Variants in ZMAT3 observed in about 807,000 individuals in gnomAD.
ZMAT3 encodes the protein zinc finger matrin-type protein 3.
Under a neutral mutation model 32.3 loss-of-function variants are expected in ZMAT3, and 17 were observed. The observed-to-expected ratio is 0.53, with a 90% CI of 0.36 to 0.79. ZMAT3 has a LOEUF of 0.79. Ranked by LOEUF, ZMAT3 falls within the 30% of genes least tolerant of loss-of-function variation. The pLI, the probability that ZMAT3 is intolerant of heterozygous loss-of-function variation, is 0.00. For synonymous variants in ZMAT3, 120 were observed against 133.1 expected (o/e 0.90, Z 0.68); for missense variants, 329 against 359.7 (o/e 0.91, Z 0.69).
At chr3:179,039,063 C>G (rs917382327) in intron 2 of ZMAT3, among the ~76,000 whole-genome samples, 4 of 152,214 alleles carry the variant, frequency 2.6e-5, no homozygotes, top group African/African-American at 7.2e-5. Flanking sequence ...CTGGGAAGCT[C>G]GAACTGGGCA....
Position 179,023,582 on chromosome 3 carries a change from A to C in ZMAT3, c.*1435T>G, listed in dbSNP as rs1718661893. 6.7e-6 allele frequency: 1 copy of C among 148,536 alleles called. No individual in the cohort carries two copies. The highest frequency in any genetic ancestry group is 2.1e-4 in the South Asian group (1 of 4,674). The allele number at this position is 148,536 out of a possible 1,614,324, so 9.2% of individuals were successfully genotyped here. ...AGTCTGGCAAAACAAAATATCAAGC[A>C]ATCTGAACTTATGGTTTAGATCATG... On this transcript the variant is annotated 3_prime_UTR_variant, in exon 6 of 6. Transcript: ENST00000311417.
At chr3:179,068,652 T>C (rs979414642) in intron 1 of ZMAT3, among the ~76,000 whole-genome samples, 14 of 152,202 alleles carry the variant, frequency 9.2e-5, no homozygotes, top group Non-Finnish European at 1.9e-4. Context: ...CAGGGAACTC[T>C]AGGAGTAGCC....
intron 2 of ZMAT3, among the ~76,000 whole-genome samples, chr3:179,032,996 G>C (rs1394423577): frequency 6.6e-6 from 1 of 152,244 alleles, no homozygotes. Flanking sequence ...GTACCCAACA[G>C]CTCATTGAGA....
rs992332421 is a variant in ZMAT3, at chr3:179,056,333, G to C, written c.270+11150C>G. 4.0e-5 allele frequency among the ~76,000 whole-genome samples: 6 copies of C among 150,828 alleles called. No homozygotes were observed. In the South Asian group the frequency reaches 1.0e-3, roughly 26 times the overall value. ...GGGACAAACGGGATAAAAAAAAAAG[G>C]GGGGGTCCACTACTTTAGTCATGGC... On this transcript the variant is annotated intron_variant, in intron 2 of 5. Transcript: ENST00000311417.
chr3:179,066,224 G>A (rs1034390008), intron 2 of ZMAT3, among the ~76,000 whole-genome samples: 2 of 152,094 alleles, frequency 1.3e-5, no homozygotes, highest in Non-Finnish European at 2.9e-5. Context: ...CTGGGGAAAG[G>A]GGGAAAACGT....
intron 2 of ZMAT3, among the ~76,000 whole-genome samples, chr3:179,047,126 A>G (rs1210773401): frequency 6.6e-6 from 1 of 152,232 alleles, no homozygotes; most frequent in African/African-American, 2.4e-5. Context: ...TACCTCCACC[A>G]GAGCAGGTGC....
Position 179,067,637 on chromosome 3 carries a change from A to G in ZMAT3, c.116T>C (p.Phe39Ser), listed in dbSNP as rs967084746. The stretch of plus-strand genomic sequence containing the variant: ...AAGAGGCAAGGAAGCCTCCTGCCCA[A>G]AAGGCTTCTGTGGTGGAAGCTGCAA... Reference protein sequence around the residue: ...GTLQLPPQKPFGQEASLPLAG... With the variant: ...GTLQLPPQKPSGQEASLPLAG... The change falls in exon 2 of 6, where the codon TTT becomes TCT. Residue 39 changes from phenylalanine (F) to serine (S), a missense_variant. Physicochemically the swap from Phe to Ser is radical, Grantham distance 155. Transcript: ENST00000311417. The G allele has an allele frequency of 2.5e-6, 4 of 1,614,036 alleles. No homozygotes were observed. Among genetic ancestry groups the G allele is most frequent in the East Asian group, 2.2e-5 (1 of 44,880 alleles).
rs1224549118 is a variant in ZMAT3 at position 179,046,744 on chromosome 3, A to G, written c.271-15745T>C. 3.9e-5 allele frequency among the ~76,000 whole-genome samples: 6 copies of G among 152,124 alleles called. 1 individual carries two copies. Among genetic ancestry groups the G allele is most frequent in the Non-Finnish European group, 8.8e-5 (6 of 68,022 alleles). On this transcript the variant is annotated intron_variant, in intron 2 of 5. Coordinates refer to ENST00000311417, the MANE Select transcript of ZMAT3 (RefSeq NM_022470.4). The surrounding 1 kb of genome is among the most constrained non-coding windows in gnomAD (Gnocchi z 4.3). ...GCCTGTAACAGCCAGCTTTCCCCCAATTCCCTGGTGACCTGTGTGACACAG... is the reference window on the plus strand; with the variant it reads ...GCCTGTAACAGCCAGCTTTCCCCCAGTTCCCTGGTGACCTGTGTGACACAG...
At chr3:179,036,153 T>C (rs985840204) in intron 2 of ZMAT3, among the ~76,000 whole-genome samples, 1 of 152,152 alleles carries the variant, frequency 6.6e-6, no homozygotes, top group African/African-American at 2.4e-5. Context: ...TTGATAAAGA[T>C]GAGCATCAGG....
chr3:179,053,172 T>G (rs925098986), intron 2 of ZMAT3, among the ~76,000 whole-genome samples: 7 of 150,996 alleles, frequency 4.6e-5, no homozygotes, highest in Non-Finnish European at 8.9e-5. Flanking sequence ...AATTAGAATA[T>G]AGGTATAGAT....
Position 179,017,299 on chromosome 3 carries a change from C to CTTT in ZMAT3, c.*7717_*7718insAAA, listed in dbSNP as rs1718324170. 6.6e-6 allele frequency: 1 copy of CTTT among 152,114 alleles called. No individual in the cohort carries two copies. The highest frequency in any genetic ancestry group is 1.5e-5 in the Non-Finnish European group (1 of 68,016). 9.4% of individuals were successfully genotyped at this position (152,114 alleles called of 1,614,324 possible). A position where few individuals can be genotyped will look rare whatever the true frequency, so the allele number is the denominator to read the frequency against. On this transcript the variant is annotated 3_prime_UTR_variant, in exon 6 of 6. Coordinates refer to ENST00000311417, the MANE Select transcript of ZMAT3 (RefSeq NM_022470.4). ...TGTTATAATAATGTCAAGCCTTTAT[C>CTTT]AGAAATCAGTACATAAGTGAGGATA...
In ZMAT3 at chr3:179,019,281, A is replaced by T. The variant is rs1448627375; in HGVS notation, c.*5736T>A. The T allele has an allele frequency of 1.3e-5, 2 of 152,112 alleles. No homozygotes were observed. The highest frequency in any genetic ancestry group is 4.8e-5 in the African/African-American group (2 of 41,436). 9.4% of individuals were successfully genotyped at this position (152,112 alleles called of 1,614,324 possible). A position where few individuals can be genotyped will look rare whatever the true frequency, so the allele number is the denominator to read the frequency against. On this transcript the variant is annotated 3_prime_UTR_variant, in exon 6 of 6. Coordinates refer to ENST00000311417, the MANE Select transcript of ZMAT3 (RefSeq NM_022470.4). The stretch of plus-strand genomic sequence containing the variant: ...GAAGACAAAAGTCCACAGGAGGAAA[A>T]AAAAAAAAGTATGTTAATTGGCTCA...
At chr3:179,029,234 C>T (rs1004415144) in intron 3 of ZMAT3, among the ~76,000 whole-genome samples, 1 of 152,028 alleles carries the variant, frequency 6.6e-6, no homozygotes, top group African/African-American at 2.4e-5. Flanking sequence ...AGTTACTTAG[C>T]TCATCTAAGC....
intron 2 of ZMAT3, among the ~76,000 whole-genome samples, chr3:179,040,572 C>G (rs918067724): frequency 7.5e-6 from 1 of 133,912 alleles, no homozygotes; most frequent in African/African-American, 2.9e-5. Context: ...TACAAGAGTT[C>G]CTGAAGGAAG....
intron 2 of ZMAT3, among the ~76,000 whole-genome samples, chr3:179,058,018 G>T (rs1455268777): frequency 1.3e-5 from 2 of 152,170 alleles, no homozygotes; most frequent in African/African-American, 4.8e-5. Flanking sequence ...AATAGCTCTA[G>T]GAGTCCTTAC....
At chr3:179,058,767 A>AG (rs1049770732) in intron 2 of ZMAT3, among the ~76,000 whole-genome samples, 2 of 151,150 alleles carry the variant, frequency 1.3e-5, no homozygotes, top group South Asian at 2.1e-4. Flanking sequence ...AAAAAAAAAA[A>AG]AAAAAAGAAA....
intron 3 of ZMAT3, among the ~76,000 whole-genome samples, chr3:179,028,662 A>C (rs1719014804): frequency 6.6e-6 from 1 of 152,228 alleles, no homozygotes; most frequent in Admixed American, 6.5e-5. Context: ...TTCAGAAACC[A>C]GTGACAGGAA....
chr3:179,039,068 T>G (rs190532358), intron 2 of ZMAT3, among the ~76,000 whole-genome samples: 2 of 152,212 alleles, frequency 1.3e-5, no homozygotes, highest in Admixed American at 6.5e-5. Context: ...AAGCTCGAAC[T>G]GGGCAGAGCC....
chr3:179,065,964 C>T (rs1235493030), intron 2 of ZMAT3, among the ~76,000 whole-genome samples: 1 of 152,086 alleles, frequency 6.6e-6, no homozygotes. Flanking sequence ...AGTGGGTTTG[C>T]CCCCAAGTTA....
Sources: allele counts gnomAD v4.1 joint callset (sites outside exome capture counted in the v4.1 genomes callset), GRCh38; gene constraint gnomAD v4.1.1; non-coding constraint Gnocchi (gnomAD v3.1); transcripts MANE v1.5; gene names NCBI Gene and HGNC (gene_info 2026-07-23, HGNC 2026-07-21).